Variants in PACRG observed in about 807,000 individuals in gnomAD.
The protein encoded by PACRG is parkin coregulated gene protein.
A neutral mutation model predicts 29.7 loss-of-function variants in PACRG; 29 were observed. The observed-to-expected ratio is 0.98, with a 90% confidence interval of 0.73 to 1.33. The LOEUF is 1.33. PACRG is among the 40% of genes most tolerant of loss of function. The probability of loss-of-function intolerance (pLI) is 0.00; values close to 1 mark genes in which losing one functional copy is unlikely to be tolerated. For synonymous variants in PACRG, 116 were observed against 118.7 expected, an observed-to-expected ratio of 0.98 and a Z score of 0.15; for missense variants, 279 against 316.2, an observed-to-expected ratio of 0.88 and a Z score of 0.89.
At chr6:163,224,329 A>T (rs1239434797) in intron 4 of PACRG, among the ~76,000 whole-genome samples, 1 of 131,116 alleles carries the variant, frequency 7.6e-6, no homozygotes, top group Non-Finnish European at 1.6e-5. Context: ...AGATCATGCC[A>T]CTGCACTGTA....
At chr6:162,881,898 C>G (rs1014217452) in intron 2 of PACRG, among the ~76,000 whole-genome samples, 1 of 126,252 alleles carries the variant, frequency 7.9e-6, no homozygotes, top group Non-Finnish European at 1.6e-5. Flanking sequence ...GAACAGAGAT[C>G]TGAGGCCTCT....
chr6:163,211,200 T>C (rs1781125023), intron 4 of PACRG, among the ~76,000 whole-genome samples: 1 of 152,186 alleles, frequency 6.6e-6, no homozygotes, highest in Non-Finnish European at 1.5e-5. Flanking sequence ...CTCCAGGCTA[T>C]GTAGTGATTC....
intron 4 of PACRG, among the ~76,000 whole-genome samples, chr6:163,137,513 T>A (rs1430983313): frequency 1.3e-5 from 2 of 151,948 alleles, no homozygotes; most frequent in Non-Finnish European, 2.9e-5. Context: ...CGCCAGGATT[T>A]CCCAAGCGAC....
rs1043931510 is a variant in PACRG at position 163,179,896 on chromosome 6, C to T, written c.613+90488C>T. ...GACCAGACCAGCAAGTCTCCTTGCC[C>T]GAGGCCACACAGGCAGGAACCGCCA... On this transcript the variant is annotated intron_variant, in intron 4 of 4. Coordinates refer to ENST00000366888, the MANE Select transcript of PACRG (RefSeq NM_001080379.2). Among the ~76,000 whole-genome samples, 6 of 152,094 alleles carry T rather than the reference C, an allele frequency of 3.9e-5. No homozygotes were observed. The East Asian group carries it at 5.8e-4, about 15-fold the overall frequency.
intron 2 of PACRG, among the ~76,000 whole-genome samples, chr6:163,047,299 T>G (rs1334956422): frequency 1.3e-5 from 2 of 152,248 alleles, no homozygotes; most frequent in African/African-American, 4.8e-5. Flanking sequence ...TTTAGCATTA[T>G]ACAGATATGT....
intron 2 of PACRG, among the ~76,000 whole-genome samples, chr6:162,999,045 GA>G (rs1804343423): frequency 6.6e-6 from 1 of 152,110 alleles, no homozygotes; most frequent in African/African-American, 2.4e-5. Context: ...GAATAGGAAA[GA>G]ACTTGCACTA....
At chr6:162,855,688 C>G (rs1791330770) in intron 2 of PACRG, among the ~76,000 whole-genome samples, 1 of 152,158 alleles carries the variant, frequency 6.6e-6, no homozygotes, top group Admixed American at 6.5e-5. Context: ...ATAGATACCC[C>G]CAATCGTCCC....
At chr6:163,247,052 G>A (rs901909457) in intron 4 of PACRG, among the ~76,000 whole-genome samples, 5 of 152,224 alleles carry the variant, frequency 3.3e-5, no homozygotes, top group Non-Finnish European at 7.3e-5. Flanking sequence ...AGAAAATGCA[G>A]TATAATGAAG....
At chr6:163,263,590 T>A (rs566301845) in intron 4 of PACRG, among the ~76,000 whole-genome samples, 1 of 152,308 alleles carries the variant, frequency 6.6e-6, no homozygotes, top group Non-Finnish European at 1.5e-5. Context: ...ACTCTCACAT[T>A]AGGCAGAATT....
At chr6:162,956,257 C>A (rs1270276323) in intron 2 of PACRG, among the ~76,000 whole-genome samples, 1 of 152,154 alleles carries the variant, frequency 6.6e-6, no homozygotes, top group Admixed American at 6.5e-5. Flanking sequence ...AGACTTGCAT[C>A]CTGATGCATC....
At chr6:162,771,938 C>T (rs879601775) in intron 1 of PACRG, among the ~76,000 whole-genome samples, 5 of 152,094 alleles carry the variant, frequency 3.3e-5, no homozygotes, top group Non-Finnish European at 7.4e-5. Flanking sequence ...ACTACATTTC[C>T]AAGCAGGATA....
At chr6:163,162,438 C>T (rs1305942676) in intron 4 of PACRG, among the ~76,000 whole-genome samples, 2 of 152,230 alleles carry the variant, frequency 1.3e-5, no homozygotes, top group Non-Finnish European at 2.9e-5. Flanking sequence ...TCAAATGCCT[C>T]CAAATAATCT....
At chr6:162,846,942 CACTG>C (rs1392369935) in intron 2 of PACRG, among the ~76,000 whole-genome samples, 3 of 146,598 alleles carry the variant, frequency 2.0e-5, no homozygotes, top group Admixed American at 6.8e-5. Context: ...GTGCTCCCCA[CACTG>C]ACTGCCGTGC....
intron 4 of PACRG, among the ~76,000 whole-genome samples, chr6:163,134,440 G>A (rs959620201): frequency 5.9e-5 from 9 of 152,138 alleles, no homozygotes; most frequent in Non-Finnish European, 1.0e-4. Context: ...CACGCATAGA[G>A]CCCTTCTAAG....
At chr6:163,041,197 C>T (rs1452178640) in intron 2 of PACRG, among the ~76,000 whole-genome samples, 8 of 151,898 alleles carry the variant, frequency 5.3e-5, no homozygotes, top group South Asian at 4.2e-4. Flanking sequence ...ATTAGCTGGG[C>T]GTGGTGGCGG....
At chr6:163,183,780 G>A (rs2128355563) in intron 4 of PACRG, among the ~76,000 whole-genome samples, 1 of 152,276 alleles carries the variant, frequency 6.6e-6, no homozygotes, top group East Asian at 1.9e-4. Flanking sequence ...GTATACTTCT[G>A]AAATTAGGAA....
intron 2 of PACRG, among the ~76,000 whole-genome samples, chr6:162,947,545 CAT>C (rs4056363): frequency 0.12 from 9,398 of 75,474 alleles, 1,090 homozygotes; most frequent in East Asian, 0.31. Context: ...CATATATAAT[CAT>C]ATATATATAA....
intron 4 of PACRG, among the ~76,000 whole-genome samples, chr6:163,259,373 G>A (rs1467170647): frequency 1.3e-5 from 2 of 152,156 alleles, no homozygotes; most frequent in African/African-American, 4.8e-5. Flanking sequence ...CATTCACCGT[G>A]TAGAACCCCA....
intron 1 of PACRG, among the ~76,000 whole-genome samples, chr6:162,806,099 T>C (rs1786295421): frequency 6.6e-6 from 1 of 151,890 alleles, no homozygotes; most frequent in Non-Finnish European, 1.5e-5. Context: ...TACAAAAATG[T>C]ATTTCTTTCT....
Sources: allele counts gnomAD v4.1 joint callset (sites outside exome capture counted in the v4.1 genomes callset), GRCh38; gene constraint gnomAD v4.1.1; transcripts MANE v1.5; gene names NCBI Gene and HGNC (gene_info 2026-07-23, HGNC 2026-07-21).